The following DNAJC16 variants were observed in gnomAD, a reference collection of about 807,000 sequenced individuals.
DNAJC16 encodes the protein dnaJ homolog subfamily C member 16.
DNAJC16 carries 76 observed loss-of-function variants against 92.7 expected under a neutral mutation model. That is an observed-to-expected ratio of 0.82 (90% CI 0.68 to 0.99). The LOEUF (loss-of-function observed/expected upper bound fraction) is 0.99, where lower values mean the gene tolerates loss of function less well. Among genes scored for constraint, DNAJC16 ranks in the 50% least tolerant of loss-of-function variants. The pLI, the probability that DNAJC16 is intolerant of heterozygous loss-of-function variation, is 0.00. For missense variants in DNAJC16, 869 were observed against 942.4 expected, an observed-to-expected ratio of 0.92 and a Z score of 1.02; for synonymous variants, 328 against 358.7, an observed-to-expected ratio of 0.91 and a Z score of 0.97.
At chr1:15,533,384 T>C (rs1288843341) in intron 2 of DNAJC16, among the ~76,000 whole-genome samples, 2 of 152,174 alleles carry the variant, frequency 1.3e-5, no homozygotes, top group East Asian at 1.9e-4. Flanking sequence ...CCCAACACTT[T>C]TGGAGGCCGA....
intron 4 of DNAJC16, among the ~76,000 whole-genome samples, chr1:15,537,633 TATA>T (rs554924152): frequency 9.2e-5 from 14 of 152,274 alleles, no homozygotes; most frequent in Non-Finnish European, 1.3e-4. Flanking sequence ...CTAAAGGATA[TATA>T]ATAATAATAA....
chr1:15,529,717 G>A (rs1186969870), intron 2 of DNAJC16, among the ~76,000 whole-genome samples: 2 of 151,752 alleles, frequency 1.3e-5, no homozygotes, highest in Non-Finnish European at 2.9e-5. Flanking sequence ...AAGAGTAATA[G>A]CCTTTTGCCT....
chr1:15,544,430 T>C lies in DNAJC16; in HGVS notation c.606T>C (p.Tyr202=), dbSNP rs1638238223. The C allele has an allele frequency of 6.2e-7, 1 of 1,613,996 alleles. No individual in the cohort carries two copies. Among genetic ancestry groups the C allele is most frequent in the Non-Finnish European group, 8.5e-7 (1 of 1,179,930 alleles). ...GVGIGVVHAG[Y]ERRLAHHLGA... is the part of the protein sequence containing the mutation. ...GAATTGGCGTGGTCCATGCTGGGTA[T>C]GAGAGACGCCTGGCCCATCACCTAG... Residue 202 remains tyrosine (Y), a synonymous_variant, in exon 5 of 15, where the codon TAT becomes TAC. Coordinates refer to ENST00000375847, the MANE Select transcript of DNAJC16 (RefSeq NM_015291.4).
intron 2 of DNAJC16, among the ~76,000 whole-genome samples, chr1:15,533,814 A>T (rs1209852887): frequency 6.6e-6 from 1 of 152,228 alleles, no homozygotes; most frequent in Non-Finnish European, 1.5e-5. Context: ...GTGTTATCAG[A>T]AGAAACAACA....
chr1:15,539,535 C>T (rs1455257563), intron 4 of DNAJC16, among the ~76,000 whole-genome samples: 2 of 151,892 alleles, frequency 1.3e-5, no homozygotes, highest in African/African-American at 4.8e-5. Context: ...TGTGAGCCAC[C>T]ACGCCTGGCT....
At position 15,569,727 on chromosome 1, in the gene DNAJC16, A is replaced by G. The variant is rs1412705928; in HGVS notation, c.*1550A>G. 6.7e-6 allele frequency: 1 copy of G among 148,528 alleles called. No individual in the cohort carries two copies. The highest frequency in any genetic ancestry group is 2.0e-4 in the East Asian group (1 of 5,004). 9.2% of individuals were successfully genotyped at this position (148,528 alleles called of 1,614,324 possible). On this transcript the variant is annotated 3_prime_UTR_variant, in exon 15 of 15. Coordinates refer to ENST00000375847, the MANE Select transcript of DNAJC16 (RefSeq NM_015291.4). ...GCGATCTCGGTTCACCGCAACCTCC[A>G]CATCCCAGGTTCAAGTGATTCTCCT...
At position 15,568,784 on chromosome 1, in the gene DNAJC16, A is replaced by T; in HGVS notation, c.*607A>T. The stretch of plus-strand genomic sequence containing the variant: ...ACAGTTTGTTGGCCACAGGTTGAAA[A>T]GGAAAGGAATAAACGGGAGTTCTGC... On this transcript the variant is annotated 3_prime_UTR_variant, in exon 15 of 15. Transcript: ENST00000375847. 2.5e-6 allele frequency: 1 copy of T among 398,182 alleles called. No homozygotes were observed. The highest frequency in any genetic ancestry group is 4.4e-6 in the Non-Finnish European group (1 of 225,754). 24.7% of individuals were successfully genotyped at this position (398,182 alleles called of 1,614,324 possible).
At chr1:15,533,617 G>T (rs890747349) in intron 2 of DNAJC16, among the ~76,000 whole-genome samples, 3 of 151,974 alleles carry the variant, frequency 2.0e-5, no homozygotes, top group Non-Finnish European at 4.4e-5. Context: ...AACAGAGTGA[G>T]ACCCTGTCTC....
chr1:15,540,320 C>T (rs548081564), intron 4 of DNAJC16, among the ~76,000 whole-genome samples: 28 of 151,368 alleles, frequency 1.8e-4, no homozygotes, highest in African/African-American at 6.8e-4. Flanking sequence ...AATGAGACTC[C>T]GTCTCAAAAA....
chr1:15,556,421 CGAG>C (rs1337456199), intron 7 of DNAJC16, among the ~76,000 whole-genome samples: 1 of 151,910 alleles, frequency 6.6e-6, no homozygotes, highest in East Asian at 1.9e-4. Flanking sequence ...ATTTTTTAGT[CGAG>C]GAGGGGTTTC....
At chr1:15,527,387 G>A (rs913754388) in intron 1 of DNAJC16, among the ~76,000 whole-genome samples, 8 of 152,212 alleles carry the variant, frequency 5.3e-5, no homozygotes, top group African/African-American at 1.9e-4. Flanking sequence ...GTACTGCATG[G>A]TAGAAATAAT....
intron 1 of DNAJC16, 52 bp from the exon 2 acceptor site, chr1:15,529,036 A>G: frequency 6.5e-7 from 1 of 1,538,990 alleles, no homozygotes; most frequent in African/African-American, 1.4e-5. Flanking sequence ...CTAAAAAGCA[A>G]GACTGTCCAG....
At chr1:15,540,344 A>T (rs985336378) in intron 4 of DNAJC16, among the ~76,000 whole-genome samples, 1 of 152,194 alleles carries the variant, frequency 6.6e-6, no homozygotes, top group East Asian at 1.9e-4. Context: ...AAGAAAAGAA[A>T]AAAACCACAA....
chr1:15,531,174 G>A (rs1229654916), intron 2 of DNAJC16, among the ~76,000 whole-genome samples: 2 of 152,226 alleles, frequency 1.3e-5, no homozygotes, highest in Non-Finnish European at 2.9e-5. Flanking sequence ...CTGAATGCGA[G>A]TAGGAAGTTA....
At chr1:15,556,125 C>CTTT (rs35148374) in intron 7 of DNAJC16, among the ~76,000 whole-genome samples, 1 of 130,574 alleles carries the variant, frequency 7.7e-6, no homozygotes, top group African/African-American at 2.8e-5. Flanking sequence ...GAGACTTTAT[C>CTTT]TTTTTTTTTT....
chr1:15,529,181 T>G lies in DNAJC16; in HGVS notation c.76T>G (p.Leu26Val), dbSNP rs1216778051. 1.2e-6 allele frequency: 2 copies of G among 1,614,152 alleles called. No homozygotes were observed. Among genetic ancestry groups the G allele is most frequent in the Non-Finnish European group, 8.5e-7 (1 of 1,180,020 alleles). Residue 26 changes from leucine (L) to valine (V), a missense_variant, in exon 2 of 15, where the codon TTG becomes GTG. Coordinates refer to ENST00000375847, the MANE Select transcript of DNAJC16 (RefSeq NM_015291.4). ...TCTGATCCTGCAAATTCTGTCTGCGTTGGATTTTGACCCATACAGAGTCCT... is the reference window on the plus strand; with the variant it reads ...TCTGATCCTGCAAATTCTGTCTGCGGTGGATTTTGACCCATACAGAGTCCT... ...LVLILQILSA[L>V]DFDPYRVLGV...
rs561047029 is a variant in DNAJC16, at chr1:15,533,797, T to C, written c.168-440T>C. On this transcript the variant is annotated intron_variant, in intron 2 of 14. Coordinates refer to ENST00000375847, the MANE Select transcript of DNAJC16 (RefSeq NM_015291.4). The stretch of plus-strand genomic sequence containing the variant: ...TCTATCCTAAAAGCTATTTCTCATG[T>C]CTACCTGTGTTATCAGAAGAAACAA... 8.5e-5 allele frequency among the ~76,000 whole-genome samples: 13 copies of C among 152,362 alleles called. 1 individual carries two copies. The South Asian group carries it at 1.4e-3, about 17-fold the overall frequency.
intron 8 of DNAJC16, among the ~76,000 whole-genome samples, chr1:15,559,862 A>T (rs1638653171): frequency 6.6e-6 from 1 of 151,862 alleles, no homozygotes; most frequent in South Asian, 2.1e-4. Context: ...TCCGGAGTTC[A>T]AGACCAGCCT....
intron 4 of DNAJC16, among the ~76,000 whole-genome samples, chr1:15,538,187 G>GAGT (rs1710838598): frequency 6.6e-6 from 1 of 151,726 alleles, no homozygotes; most frequent in Admixed American, 6.6e-5. Flanking sequence ...ACAAGGTCAG[G>GAGT]AGTTCGAGAC....
Sources: allele counts gnomAD v4.1 joint callset (sites outside exome capture counted in the v4.1 genomes callset), GRCh38; gene constraint gnomAD v4.1.1; transcripts MANE v1.5; gene names NCBI Gene and HGNC (gene_info 2026-07-23, HGNC 2026-07-21).